The following PTPN21 variants were observed in gnomAD, a reference collection of about 807,000 sequenced individuals.
The protein encoded by PTPN21 is tyrosine-protein phosphatase non-receptor type 21.
In PTPN21, 77 loss-of-function variants were observed where a neutral mutation model predicts 131.8. The ratio of observed to expected loss-of-function variants is 0.58; its 90% CI spans 0.49 to 0.71. The LOEUF is 0.71. PTPN21 is among the 30% of genes least tolerant of loss of function. PTPN21 has a pLI of 0.00. For synonymous variants in PTPN21, 715 were observed against 621.3 expected (o/e 1.15, Z -2.24); for missense variants, 1,552 against 1,527.1 (o/e 1.02, Z -0.27).
At chr14:88,505,225 G>A (rs887082381) in intron 5 of PTPN21, 79 bp downstream of exon 5, 16 of 1,169,094 alleles carry the variant, frequency 1.4e-5, no homozygotes, top group Middle Eastern at 2.1e-4. Flanking sequence ...TCTATCATAC[G>A]GATTTCATTT....
Position 88,479,476 on chromosome 14 carries a change from A to G in PTPN21, c.1955T>C (p.Leu652Pro), listed in dbSNP as rs1238832149. ...CGACGCGGATAGGGTGCGCTCCTTGAGCCGCAGGCCCTCCAGGCCGTGGCT... is the reference window on the plus strand; with the variant it reads ...CGACGCGGATAGGGTGCGCTCCTTGGGCCGCAGGCCCTCCAGGCCGTGGCT... ...GLSHGLEGLR[L>P]KERTLSASAA... is the part of the protein sequence containing the mutation. Residue 652 changes from leucine to proline, a missense_variant, in exon 13 of 19, where the codon CTC (leucine) becomes CCC (proline). Around this residue, in one of 4 missense-constraint regions of PTPN21, gnomAD observed 1,016 missense variants for 883.5 expected, o/e 1.15. Transcript: ENST00000556564. The G allele has an allele frequency of 1.2e-6, 2 of 1,601,500 alleles. No individual in the cohort carries two copies. Among genetic ancestry groups the G allele is most frequent in the South Asian group, 1.1e-5 (1 of 90,970 alleles).
intron 10 of PTPN21, among the ~76,000 whole-genome samples, chr14:88,486,190 C>T (rs73315917): frequency 6.6e-6 from 1 of 152,154 alleles, no homozygotes; most frequent in African/African-American, 2.4e-5. Flanking sequence ...CACCCACACA[C>T]TTGTCGCAGG....
At chr14:88,472,945 G>A (rs1214272202) in intron 14 of PTPN21, among the ~76,000 whole-genome samples, 1 of 152,140 alleles carries the variant, frequency 6.6e-6, no homozygotes, top group Non-Finnish European at 1.5e-5. Context: ...AATCATTTTG[G>A]TGAGAAATAT....
intron 2 of PTPN21, 122 bp downstream of exon 2, chr14:88,550,116 G>T (rs1325417739): frequency 1.8e-5 from 18 of 1,003,260 alleles, no homozygotes. Context: ...GTTTCACCAT[G>T]TTGGCCAGGC....
In PTPN21 at chr14:88,479,133, G is replaced by T. The variant is rs376146786; in HGVS notation, c.2298C>A (p.Asp766Glu). Residue 766 changes from aspartate to glutamate, a missense_variant, in exon 13 of 19, where the codon GAC (aspartate) becomes GAA (glutamate). This residue lies in a region of PTPN21 where 1,016 missense variants were observed against 883.5 expected (regional missense o/e 1.15). Coordinates refer to ENST00000556564, the MANE Select transcript of PTPN21 (RefSeq NM_007039.4). Reference sequence around the variant, plus strand: ...TGCTGTCCATCATCCTCTTCTCCGCGTCTGGGACGTGGGCCTTGGGCTCCA... The same window carrying T: ...TGCTGTCCATCATCCTCTTCTCCGCTTCTGGGACGTGGGCCTTGGGCTCCA... ...HILEPKAHVP[D>E]AEKRMMDSSP... The T allele has an allele frequency of 3.2e-6, 5 of 1,554,326 alleles. No individual in the cohort carries two copies. Among genetic ancestry groups the T allele is most frequent in the Non-Finnish European group, 4.3e-6 (5 of 1,152,332 alleles).
At chr14:88,480,413 C>A (rs1040921317) in intron 12 of PTPN21, 61 bp from the exon 13 acceptor site, 1 of 1,286,688 alleles carries the variant, frequency 7.8e-7, no homozygotes, top group East Asian at 2.3e-5. Context: ...CAACCAAATA[C>A]TGAGATCGGC....
chr14:88,551,510 C>T (rs981718439), intron 1 of PTPN21: 9 of 152,244 alleles, frequency 5.9e-5, no homozygotes, highest in Admixed American at 5.2e-4. Flanking sequence ...GCCCCGGAAC[C>T]CTCTTTCTGC....
At chr14:88,518,416 T>TATA (rs2078334519) in intron 2 of PTPN21, among the ~76,000 whole-genome samples, 12 of 7,788 alleles carry the variant, frequency 1.5e-3, no homozygotes, top group Non-Finnish European at 2.4e-3. Flanking sequence ...ATATATATAT[T>TATA]TTTTTTTTTT....
intron 10 of PTPN21, among the ~76,000 whole-genome samples, chr14:88,495,671 A>T (rs1202928921): frequency 1.3e-5 from 2 of 152,184 alleles, no homozygotes; most frequent in Non-Finnish European, 2.9e-5. Flanking sequence ...AGCAAAGGTG[A>T]CTGAGAAGAA....
chr14:88,518,293 C>T (rs1392965276), intron 2 of PTPN21, among the ~76,000 whole-genome samples: 2 of 100,450 alleles, frequency 2.0e-5, no homozygotes, highest in Non-Finnish European at 3.9e-5. Context: ...CATACGCACA[C>T]ACACACACAT....
At chr14:88,540,957 C>T (rs772568034) in intron 2 of PTPN21, among the ~76,000 whole-genome samples, 3 of 152,162 alleles carry the variant, frequency 2.0e-5, no homozygotes, top group Non-Finnish European at 2.9e-5. Flanking sequence ...GCCACCTTGC[C>T]CGGCCAATAA....
Position 88,479,708 on chromosome 14 carries a change from CGGGCCTGGG to C in PTPN21, c.1714_1722del (p.Pro572_Pro574del), listed in dbSNP as rs1398778408. 1.4e-5 allele frequency: 5 copies of C among 356,008 alleles called. No individual in the cohort carries two copies. The highest frequency in any genetic ancestry group is 1.7e-5 in the Non-Finnish European group (4 of 233,438). 22.1% of individuals were successfully genotyped at this position (356,008 alleles called of 1,614,324 possible). The stretch of plus-strand genomic sequence containing the variant: ...CGGGACAGGTCTGGCGTGCTGTTGG[CGGGCCTGGG>C]GGGCGGGTAGGGTGGGGGTGGCCGG... On this transcript the variant is annotated inframe_deletion, in exon 13 of 19. Transcript: ENST00000556564.
At chr14:88,511,168 G>A (rs1316453124) in intron 3 of PTPN21, among the ~76,000 whole-genome samples, 4 of 151,852 alleles carry the variant, frequency 2.6e-5, no homozygotes, top group Non-Finnish European at 2.9e-5. Context: ...CTCCCACTTC[G>A]GCCATCCAAA....
In PTPN21 at chr14:88,534,032, CT is replaced by C. The variant is rs144243669; in HGVS notation, c.180+16205del. ...GAAAGTGTTATTGATGATCCTGACCCTGTTTAAGGCTAGGCTAATATGTGTG... is the reference window on the plus strand; with the variant it reads ...GAAAGTGTTATTGATGATCCTGACCCGTTTAAGGCTAGGCTAATATGTGTG... On this transcript the variant is annotated intron_variant, in intron 2 of 18. Coordinates refer to ENST00000556564, the MANE Select transcript of PTPN21 (RefSeq NM_007039.4). Among the ~76,000 whole-genome samples the C allele has an allele frequency of 4.6e-3, 697 of 152,206 alleles. 6 individuals carry two copies. The highest frequency in any genetic ancestry group is 0.015 in the African/African-American group (642 of 41,520).
At chr14:88,489,947 G>A (rs1285601721) in intron 10 of PTPN21, among the ~76,000 whole-genome samples, 1 of 151,952 alleles carries the variant, frequency 6.6e-6, no homozygotes, top group Admixed American at 6.6e-5. Context: ...TCAGGTAACT[G>A]GGAAGGAATA....
At chr14:88,473,370 G>C (rs1354400515) in intron 14 of PTPN21, among the ~76,000 whole-genome samples, 1 of 152,042 alleles carries the variant, frequency 6.6e-6, no homozygotes, top group African/African-American at 2.4e-5. Flanking sequence ...TATTTTTGTA[G>C]ATTTCTTCTC....
intron 13 of PTPN21, 121 bp downstream of exon 13, chr14:88,478,799 G>T: frequency 1.8e-6 from 1 of 544,962 alleles, no homozygotes; most frequent in Non-Finnish European, 2.9e-6. Flanking sequence ...AGAGTGACGT[G>T]GGGGAATGAA....
chr14:88,486,835 G>A (rs1595360526), intron 10 of PTPN21, among the ~76,000 whole-genome samples: 1 of 152,014 alleles, frequency 6.6e-6, no homozygotes, highest in Non-Finnish European at 1.5e-5. Flanking sequence ...AACTAGCTGG[G>A]CATGGTGGTG....
In PTPN21 at chr14:88,485,142, C is replaced by G. The variant is rs139338619; in HGVS notation, c.1012G>C (p.Val338Leu). Residue 338 changes from valine (V) to leucine (L), a missense_variant, in exon 12 of 19, where the codon GTG becomes CTG. Physicochemically the swap from Val to Leu is conservative, Grantham distance 32. This residue lies in a region of PTPN21 where 1,016 missense variants were observed against 883.5 expected (regional missense o/e 1.15). Coordinates refer to ENST00000556564, the MANE Select transcript of PTPN21 (RefSeq NM_007039.4). The part of the protein sequence containing the change: ...RMSLPKPQPY[V>L]MPPPPQLHYN... ...TGCAACTGCGGTGGGGGAGGCATCA[C>G]GTAGGGCTGGGGTTTAGGCTAAGAA... 2.5e-6 allele frequency: 4 copies of G among 1,602,070 alleles called. No homozygotes were observed. In the African/African-American group the frequency reaches 5.4e-5, roughly 22 times the overall value.
Sources: gnomAD v4.1 joint callset for allele counts (sites outside exome capture counted in the v4.1 genomes callset) on GRCh38, gnomAD v4.1.1 for gene constraint, gnomAD v4.1.1 regional missense constraint, MANE v1.5 for transcripts, NCBI Gene and HGNC (gene_info 2026-07-23, HGNC 2026-07-21) for gene names.